The following TBX10 variants were observed in gnomAD, a reference collection of about 807,000 sequenced individuals.
The protein encoded by TBX10 is T-box transcription factor TBX10.
Under a neutral mutation model 32.4 loss-of-function variants are expected in TBX10, and 26 were observed. The observed-to-expected ratio is 0.80, with a 90% CI of 0.59 to 1.11. The LOEUF (loss-of-function observed/expected upper bound fraction) is 1.11. Ranked by LOEUF, TBX10 falls within the 50% of genes most tolerant of loss-of-function variation. The probability of loss-of-function intolerance (pLI) is 0.00; values close to 1 mark genes in which losing one functional copy is unlikely to be tolerated. For missense variants in TBX10, 490 were observed against 494.5 expected, an observed-to-expected ratio of 0.99 and a Z score of 0.09; for synonymous variants, 195 against 203.1, an observed-to-expected ratio of 0.96 and a Z score of 0.34.
intron 1 of TBX10, among the ~76,000 whole-genome samples, chr11:67,638,946 T>C (rs1855368322): frequency 6.6e-6 from 1 of 152,182 alleles, no homozygotes; most frequent in Non-Finnish European, 1.5e-5. Flanking sequence ...TCACTGGGCC[T>C]GGAGGCTTTG....
Position 67,631,681 on chromosome 11 carries a change from C to T in TBX10, c.1082G>A (p.Gly361Asp), listed in dbSNP as rs773756575. 2 of 1,606,318 alleles carry T rather than the reference C, an allele frequency of 1.2e-6. No individual in the cohort carries two copies. The highest frequency in any genetic ancestry group is 8.5e-7 in the Non-Finnish European group (1 of 1,177,712). The stretch of plus-strand genomic sequence containing the variant: ...CCCCAGCCCAGCTGGGAGAGGCAGG[C>T]CTCCTTGATCCCTATCAGCCCGGAT... ...PNIRADRDQG[G>D]LPLPAGLGLL... is the part of the protein sequence containing the mutation. Residue 361 changes from glycine to aspartate, a missense_variant, in exon 8 of 8, where the codon GGC becomes GAC. Coordinates refer to ENST00000335385, the MANE Select transcript of TBX10 (RefSeq NM_005995.5).
At chr11:67,639,783 G>A (rs1230534914), upstream of TBX10, among the ~76,000 whole-genome samples, 1 of 152,216 alleles carries the variant, frequency 6.6e-6, no homozygotes, top group African/African-American at 2.4e-5. Context: ...TGTGCGGGAG[G>A]AGGGCAGGTG....
At chr11:67,639,424 G>A in intron 1 of TBX10, 42 bp downstream of exon 1, 2 of 869,312 alleles carry the variant, frequency 2.3e-6, no homozygotes, top group Non-Finnish European at 3.5e-6. Flanking sequence ...TGGAACCTGA[G>A]CCTGACCCAT....
At chr11:67,632,233 G>T in intron 7 of TBX10, 85 bp downstream of exon 7, 1 of 1,493,318 alleles carries the variant, frequency 6.7e-7, no homozygotes, top group East Asian at 2.3e-5. Flanking sequence ...AGCTGCTGAA[G>T]CCCCTTCCTG....
intron 1 of TBX10, among the ~76,000 whole-genome samples, chr11:67,638,652 T>C (rs10896190): frequency 0.45 from 67,799 of 152,080 alleles, 18,153 homozygotes; most frequent in East Asian, 0.76. Flanking sequence ...CCCAGGGCCA[T>C]GGCCACGTCC....
At position 67,634,189 on chromosome 11, in the gene TBX10, G is replaced by A. The variant is rs117709265; in HGVS notation, c.549C>T (p.His183=). 5.0e-4 allele frequency: 804 copies of A among 1,612,606 alleles called. 3 individuals are homozygous for A. The East Asian group carries it at 0.013, about 27-fold the overall frequency. The part of the protein sequence containing the change: ...LTNNLLDDNG[H]IILNSMHRYQ... ...GTCCCCACCGTGGCCCCGGCCTCAC[G>A]TGGCCATTGTCATCCAGCAGGTTGT... is the stretch of plus-strand genomic sequence containing the variant. Residue 183 remains histidine, a splice_region_variant and synonymous_variant, in exon 4 of 8, where the codon CAC becomes CAT. Transcript: ENST00000335385.
upstream of TBX10, among the ~76,000 whole-genome samples, chr11:67,641,294 C>A (rs369751141): frequency 1.3e-5 from 2 of 152,114 alleles, no homozygotes; most frequent in East Asian, 3.9e-4. Context: ...CACACACACA[C>A]GAGCACACTG....
chr11:67,640,147 G>A (rs778749852), upstream of TBX10, among the ~76,000 whole-genome samples: 1 of 149,196 alleles, frequency 6.7e-6, no homozygotes. Flanking sequence ...AGCAGGAAAC[G>A]CAAGGGGGCA....
rs1165885671 is a variant in TBX10 at position 67,633,023 on chromosome 11, A to C, written c.630T>G (p.Tyr210Ter). Residue 210 changes from tyrosine (Y) to a stop codon, truncating the protein, a stop_gained, in exon 5 of 8, where the codon TAT becomes TAG. Transcript: ENST00000335385. LOFTEE classifies it high-confidence loss of function. ...FVDPRKDSERYAQENFKSFIF... is the reference protein window; with the variant it reads ...FVDPRKDSER ...TGAAGGACTTGAAGTTCTCCTGGGC[A>C]TAGCGCTCACTGTCCTTGCGTGGGT... 2 of 1,614,216 alleles carry C rather than the reference A, an allele frequency of 1.2e-6. No individual in the cohort carries two copies. The highest frequency in any genetic ancestry group is 3.3e-5 in the Admixed American group (2 of 60,030).
chr11:67,634,461 C>A, intron 3 of TBX10, 101 bp from the exon 4 acceptor site: 1 of 1,421,034 alleles, frequency 7.0e-7, no homozygotes, highest in African/African-American at 1.4e-5. Flanking sequence ...ACACTGCTCA[C>A]CCCACCTGGT....
intron 7 of TBX10, 116 bp from the exon 8 acceptor site, chr11:67,632,010 G>A (rs139060534): frequency 2.4e-4 from 335 of 1,422,030 alleles, no homozygotes; most frequent in Non-Finnish European, 3.0e-4. Context: ...CTCAGCCTTC[G>A]CCTTTGCTTT....
Position 67,631,614 on chromosome 11 carries a change from G to A in TBX10, c.1149C>T (p.Asp383=). 6 of 1,597,268 alleles carry A rather than the reference G, an allele frequency of 3.8e-6. No individual in the cohort carries two copies. The highest frequency in any genetic ancestry group is 5.1e-6 in the Non-Finnish European group (6 of 1,176,112). The part of the protein sequence containing the change: ...PTVVCLGPGQ[D]SQ ...CCCAGGGCTTCTGGCATCACTGGGA[G>A]TCCTGGCCAGGCCCCAGGCACACCA... Residue 383 remains aspartate (D), a synonymous_variant, in exon 8 of 8, where the codon GAC becomes GAT. Transcript: ENST00000335385.
intron 1 of TBX10, among the ~76,000 whole-genome samples, chr11:67,636,035 T>C (rs1038424475): frequency 3.4e-5 from 5 of 147,396 alleles, no homozygotes; most frequent in African/African-American, 1.2e-4. Context: ...AACCAGAAAA[T>C]AAAAAGTGTT....
In TBX10 at chr11:67,635,078, C is replaced by T. The variant is rs757110668; in HGVS notation, c.193G>A (p.Val65Met). 1 of 1,613,922 alleles carries T rather than the reference C, an allele frequency of 6.2e-7. No homozygotes were observed. Among genetic ancestry groups the T allele is most frequent in the East Asian group, 2.2e-5 (1 of 44,892 alleles). The part of the protein sequence containing the change: ...QGPKNPRVSR[V>M]TVQLEMKPLW... ...GGCTTCATCTCCAGCTGAACTGTCA[C>T]TCTGGACACACGTGGGTTCTTGGGG... Residue 65 changes from valine to methionine, a missense_variant, in exon 2 of 8, where the codon GTG becomes ATG. By Grantham distance (21) the Val-to-Met change is conservative (BLOSUM62 1). Around this residue, in one of 3 missense-constraint regions of TBX10, gnomAD observed 307 missense variants for 294.9 expected, o/e 1.04. Coordinates refer to ENST00000335385, the MANE Select transcript of TBX10 (RefSeq NM_005995.5).
upstream of TBX10, among the ~76,000 whole-genome samples, chr11:67,640,701 C>T (rs1313974579): frequency 1.3e-5 from 2 of 152,134 alleles, no homozygotes; most frequent in Non-Finnish European, 2.9e-5. Context: ...CTGGCTGGAG[C>T]CCCCCATACC....
Position 67,635,011 on chromosome 11 carries a change from A to T in TBX10, c.260T>A (p.Val87Asp), listed in dbSNP as rs748211858. The T allele has an allele frequency of 6.2e-7, 1 of 1,613,574 alleles. No individual in the cohort carries two copies. Among genetic ancestry groups the T allele is most frequent in the East Asian group, 2.2e-5 (1 of 44,880 alleles). ...CTGCTCACACCTGCCTGCCTTGGTG[A>T]CGATCATCTCAGTGCCCAGCTGGTT... ...EFNQLGTEMI[V>D]TKAGRRMFPP... is the part of the protein sequence containing the mutation. Residue 87 changes from valine to aspartate, a missense_variant, in exon 2 of 8, where the codon GTC (valine) becomes GAC (aspartate). Val to Asp is a radical substitution (Grantham distance 152). Coordinates refer to ENST00000335385, the MANE Select transcript of TBX10 (RefSeq NM_005995.5).
intron 4 of TBX10, among the ~76,000 whole-genome samples, chr11:67,633,588 T>C (rs1042761957): frequency 6.6e-6 from 1 of 152,218 alleles, no homozygotes; most frequent in Non-Finnish European, 1.5e-5. Context: ...TCCGGCCCCA[T>C]GGATGCGTCT....
At chr11:67,640,701 C>G (rs1313974579), upstream of TBX10, among the ~76,000 whole-genome samples, 2 of 152,134 alleles carry the variant, frequency 1.3e-5, no homozygotes, top group African/African-American at 2.4e-5. Context: ...CTGGCTGGAG[C>G]CCCCCATACC....
chr11:67,638,975 C>G (rs982638049), intron 1 of TBX10, among the ~76,000 whole-genome samples: 8 of 152,088 alleles, frequency 5.3e-5, no homozygotes, highest in African/African-American at 9.7e-5. Context: ...CACTGGCTCC[C>G]AAGTCCTCTA....
Sources: allele counts gnomAD v4.1 joint callset (sites outside exome capture counted in the v4.1 genomes callset), GRCh38; gene constraint gnomAD v4.1.1; regional missense constraint gnomAD v4.1.1; transcripts MANE v1.5; gene names NCBI Gene and HGNC (gene_info 2026-07-23, HGNC 2026-07-21).